Variants in NPAS3 observed in about 807,000 individuals in gnomAD.
The protein encoded by NPAS3 is neuronal PAS domain protein 3, also known as neuronal PAS domain-containing protein 3.
Under a neutral mutation model 73.1 loss-of-function variants are expected in NPAS3, and 14 were observed. The ratio of observed to expected loss-of-function variants is 0.19; its 90% confidence interval spans 0.13 to 0.30. The LOEUF is 0.30. Ranked by LOEUF, NPAS3 falls within the 10% of genes least tolerant of loss-of-function variation. The pLI is 1.00. For synonymous variants in NPAS3, 620 were observed against 541.5 expected, an observed-to-expected ratio of 1.14 and a Z score of -2.01; for missense variants, 1,096 against 1,250.0, an observed-to-expected ratio of 0.88 and a Z score of 1.86.
intron 6 of NPAS3, among the ~76,000 whole-genome samples, chr14:33,731,453 GA>G (rs1245922895): frequency 2.0e-5 from 3 of 146,660 alleles, no homozygotes; most frequent in African/African-American, 7.6e-5. Flanking sequence ...GAGAGAGAAA[GA>G]AAAAAAGGCC....
chr14:33,713,813 T>C (rs2060885619), intron 6 of NPAS3, among the ~76,000 whole-genome samples: 1 of 152,238 alleles, frequency 6.6e-6, no homozygotes, highest in Non-Finnish European at 1.5e-5. Context: ...TTCAGGGTCA[T>C]ACCTGTGATA....
intron 2 of NPAS3, among the ~76,000 whole-genome samples, chr14:33,159,232 T>G (rs1005286485): frequency 7.2e-5 from 11 of 152,174 alleles, no homozygotes; most frequent in African/African-American, 2.7e-4. Context: ...TTATTTTTCA[T>G]GTAGACCCAC....
At chr14:33,485,472 G>C (rs1047092862) in intron 4 of NPAS3, among the ~76,000 whole-genome samples, 3 of 152,094 alleles carry the variant, frequency 2.0e-5, no homozygotes, top group African/African-American at 4.8e-5. Context: ...ATGGCCTTAA[G>C]TCAACTTCTG....
At chr14:33,330,516 T>G (rs531330336) in intron 3 of NPAS3, among the ~76,000 whole-genome samples, 1 of 152,306 alleles carries the variant, frequency 6.6e-6, no homozygotes, top group East Asian at 1.9e-4. Flanking sequence ...AATGATCTCG[T>G]TAGAGTTCAG....
At chr14:33,025,946 G>C (rs2039786345) in intron 1 of NPAS3, among the ~76,000 whole-genome samples, 1 of 152,134 alleles carries the variant, frequency 6.6e-6, no homozygotes, top group Non-Finnish European at 1.5e-5. Flanking sequence ...TGCCAAGTAG[G>C]TTCCATAGGG....
At position 33,531,790 on chromosome 14, in the gene NPAS3, G is replaced by A. The variant is rs116201870; in HGVS notation, c.469-28331G>A. On this transcript the variant is annotated intron_variant, in intron 4 of 11. Coordinates refer to ENST00000356141, the Ensembl canonical transcript of NPAS3. ...TTCCAGAGGGGCTGTACCATTTTGC[G>A]TTCCCATCAAGTGTTATTCTGCACT... 2.9e-3 allele frequency among the ~76,000 whole-genome samples: 437 copies of A among 152,198 alleles called. 1 individual carries two copies. The highest frequency in any genetic ancestry group is 9.2e-3 in the African/African-American group (383 of 41,538).
intron 6 of NPAS3, among the ~76,000 whole-genome samples, chr14:33,699,198 T>C (rs1173349627): frequency 2.0e-5 from 3 of 152,224 alleles, no homozygotes; most frequent in Non-Finnish European, 4.4e-5. Flanking sequence ...ACGTTTTTAA[T>C]TGCTAGAAAA....
At chr14:33,274,819 C>T (rs2041253794) in intron 3 of NPAS3, among the ~76,000 whole-genome samples, 1 of 152,132 alleles carries the variant, frequency 6.6e-6, no homozygotes, top group African/African-American at 2.4e-5. Context: ...CACAGTGCCT[C>T]CCCGTAAGGA....
chr14:33,365,718 G>C (rs746393399), intron 3 of NPAS3, among the ~76,000 whole-genome samples: 2 of 152,156 alleles, frequency 1.3e-5, no homozygotes, highest in African/African-American at 2.4e-5. Flanking sequence ...CATTTTCACA[G>C]TGCCTTGCAG....
intron 3 of NPAS3, among the ~76,000 whole-genome samples, chr14:33,254,202 G>A (rs968676350): frequency 2.0e-5 from 3 of 151,900 alleles, no homozygotes; most frequent in Non-Finnish European, 2.9e-5. Context: ...ATAGTCCTCC[G>A]TGGCCTTCTA....
intron 1 of NPAS3, among the ~76,000 whole-genome samples, chr14:33,048,372 A>G (rs1157121507): frequency 1.3e-5 from 2 of 152,232 alleles, no homozygotes; most frequent in Admixed American, 1.3e-4. Context: ...ACTACGGTGT[A>G]GCCCTTAAGG....
intron 2 of NPAS3, among the ~76,000 whole-genome samples, chr14:33,108,352 C>A (rs2042786258): frequency 6.6e-6 from 1 of 152,050 alleles, no homozygotes; most frequent in African/African-American, 2.4e-5. Context: ...CACCACCACA[C>A]CTGGCTAATT....
intron 3 of NPAS3, among the ~76,000 whole-genome samples, chr14:33,250,624 C>T (rs373285792): frequency 1.3e-5 from 2 of 152,176 alleles, no homozygotes; most frequent in East Asian, 3.9e-4. Flanking sequence ...TGTGGAGGAT[C>T]CATCAGTTAT....
chr14:33,389,649 C>T (rs745413437), intron 4 of NPAS3, among the ~76,000 whole-genome samples: 43 of 152,058 alleles, frequency 2.8e-4, no homozygotes, highest in Non-Finnish European at 5.6e-4. Flanking sequence ...TTTTAGTACA[C>T]CATTAACATG....
chr14:33,411,918 T>C (rs1056418903), intron 4 of NPAS3, among the ~76,000 whole-genome samples: 3 of 152,180 alleles, frequency 2.0e-5, no homozygotes, highest in Non-Finnish European at 2.9e-5. Flanking sequence ...TCTGGTACTT[T>C]CATGGCAGGC....
intron 5 of NPAS3, among the ~76,000 whole-genome samples, chr14:33,665,273 C>T (rs777982932): frequency 1.2e-4 from 18 of 152,196 alleles, no homozygotes; most frequent in Non-Finnish European, 2.2e-4. Flanking sequence ...GGGAGGGGAA[C>T]ATCACACACC....
chr14:33,010,169 A>C (rs970774807), intron 1 of NPAS3, among the ~76,000 whole-genome samples: 34 of 152,218 alleles, frequency 2.2e-4, no homozygotes, highest in Non-Finnish European at 1.5e-4. Flanking sequence ...CATTTATTCT[A>C]CTGGCTACAC....
At chr14:33,678,531 C>T (rs886816286) in intron 6 of NPAS3, among the ~76,000 whole-genome samples, 3 of 152,166 alleles carry the variant, frequency 2.0e-5, no homozygotes, top group African/African-American at 7.2e-5. Flanking sequence ...CTTCAGTTTG[C>T]AGAGAACCCT....
intron 5 of NPAS3, among the ~76,000 whole-genome samples, chr14:33,658,446 G>A (rs773276531): frequency 1.6e-4 from 24 of 152,108 alleles, no homozygotes; most frequent in Non-Finnish European, 2.8e-4. Context: ...CATATCCCCC[G>A]AGGTAATGCA....
Sources: gnomAD v4.1 joint callset for allele counts (sites outside exome capture counted in the v4.1 genomes callset) on GRCh38, gnomAD v4.1.1 for gene constraint, MANE v1.5 for transcripts, NCBI Gene and HGNC (gene_info 2026-07-23, HGNC 2026-07-21) for gene names.